KLF9: variants seen among roughly 807,000 people sequenced by gnomAD.
The protein encoded by KLF9 is KLF transcription factor 9.
Under a neutral mutation model 17.3 loss-of-function variants are expected in KLF9, and 2 were observed. The ratio of observed to expected loss-of-function variants is 0.12; its 90% CI spans 0.05 to 0.36. The LOEUF is 0.36. KLF9 is among the 10% of genes least tolerant of loss of function. KLF9 has a pLI of 1.00. For synonymous variants in KLF9, 138 were observed against 139.2 expected, an observed-to-expected ratio of 0.99 and a Z score of 0.06; for missense variants, 226 against 333.2, an observed-to-expected ratio of 0.68 and a Z score of 2.51.
intron 1 of KLF9, among the ~76,000 whole-genome samples, chr9:70,409,812 G>C (rs1011946387): frequency 2.6e-5 from 4 of 152,096 alleles, no homozygotes; most frequent in Non-Finnish European, 4.4e-5. Context: ...GAAAAGATCT[G>C]GTCTGGTTGA....
rs1336654813 is a variant in KLF9, at chr9:70,413,909, C to G, written c.-546G>C. 6.5e-6 allele frequency: 1 copy of G among 152,724 alleles called. No individual in the cohort carries two copies. The highest frequency in any genetic ancestry group is 2.4e-5 in the African/African-American group (1 of 41,462). The allele number at this position is 152,724 out of a possible 1,614,324, so 9.5% of individuals were successfully genotyped here. A position where few individuals can be genotyped will look rare whatever the true frequency, so the allele number is the denominator to read the frequency against. ...CCCGAGTCCACTGACGGCTTCTGAA[C>G]CCCTGCTCCGGCCGGTCCGCACCGT... On this transcript the variant is annotated 5_prime_UTR_variant, in exon 1 of 2. Coordinates refer to ENST00000377126, the MANE Select transcript of KLF9 (RefSeq NM_001206.4). The surrounding 1 kb of genome is among the most constrained non-coding windows in gnomAD (Gnocchi z 5.6).
chr9:70,388,059 G>T, intron 1 of KLF9, 54 bp from the exon 2 acceptor site: 1 of 1,444,566 alleles, frequency 6.9e-7, no homozygotes. Context: ...AAAAAATTCC[G>T]AAGGGCGGTC....
In KLF9 at chr9:70,413,221, C is replaced by T; in HGVS notation, c.143G>A (p.Gly48Asp). 2 of 1,614,088 alleles carry T rather than the reference C, an allele frequency of 1.2e-6. No individual in the cohort carries two copies. The highest frequency in any genetic ancestry group is 8.5e-7 in the Non-Finnish European group (1 of 1,180,036). ...LPEREVTKEH[G>D]DPGDTWKDYC... ...ATCCTTCCAGGTGTCCCCCGGGTCA[C>T]CGTGCTCCTTGGTCACCTCGCGCTC... The change falls in exon 1 of 2, where the codon GGT becomes GAT. Residue 48 changes from glycine to aspartate, a missense_variant. Gly to Asp is a moderately conservative substitution (Grantham distance 94). Transcript: ENST00000377126. The surrounding 1 kb of genome is among the most constrained non-coding windows in gnomAD (Gnocchi z 5.6).
rs1372521088 is a variant in KLF9, at chr9:70,414,255, C to T, written c.-892G>A. 1.3e-5 allele frequency: 2 copies of T among 152,248 alleles called. No individual in the cohort carries two copies. The highest frequency in any genetic ancestry group is 1.3e-4 in the Admixed American group (2 of 15,284). The allele number at this position is 152,248 out of a possible 1,614,324, so 9.4% of individuals were successfully genotyped here. ...TGGCCGGTCCGGGCCTCCTGGCTCACGTTCCAGCTTGCGGAGCTTTGGGAC... is the reference window on the plus strand; with the variant it reads ...TGGCCGGTCCGGGCCTCCTGGCTCATGTTCCAGCTTGCGGAGCTTTGGGAC... On this transcript the variant is annotated 5_prime_UTR_variant, in exon 1 of 2. The change creates a new upstream start codon in the 5' untranslated region. Transcript: ENST00000377126.
At chr9:70,409,663 A>T (rs1177723452) in intron 1 of KLF9, among the ~76,000 whole-genome samples, 1 of 152,174 alleles carries the variant, frequency 6.6e-6, no homozygotes, top group Admixed American at 6.5e-5. Flanking sequence ...TTCTAAAATT[A>T]ATCTGAAACA....
intron 1 of KLF9, among the ~76,000 whole-genome samples, chr9:70,392,841 A>G (rs532379007): frequency 4.5e-4 from 69 of 152,268 alleles, no homozygotes; most frequent in African/African-American, 1.6e-3. Flanking sequence ...AGAATCTTTA[A>G]ACCTGTCTTT....
intron 1 of KLF9, among the ~76,000 whole-genome samples, chr9:70,400,208 T>G (rs561115326): frequency 6.6e-6 from 1 of 152,228 alleles, no homozygotes; most frequent in South Asian, 2.1e-4. Flanking sequence ...AGGACTGTGT[T>G]CCTGAGCCCA....
chr9:70,409,002 A>ATATATATACACATATATGTATATATGTG (rs1564089062), intron 1 of KLF9, among the ~76,000 whole-genome samples: 1 of 63,368 alleles, frequency 1.6e-5, no homozygotes, highest in Non-Finnish European at 3.3e-5. Flanking sequence ...ATATATGTGT[A>ATATATATACACATATATGTATATATGTG]TATATATATA....
At chr9:70,410,444 G>T (rs2118929828) in intron 1 of KLF9, among the ~76,000 whole-genome samples, 1 of 152,320 alleles carries the variant, frequency 6.6e-6, no homozygotes, top group East Asian at 1.9e-4. Flanking sequence ...CCTCAACTGT[G>T]TCGTTCCTCC....
intron 1 of KLF9, among the ~76,000 whole-genome samples, chr9:70,389,134 C>G (rs1361006510): frequency 3.3e-5 from 5 of 151,466 alleles, no homozygotes; most frequent in Non-Finnish European, 7.4e-5. Context: ...GAGTGAGACT[C>G]TGTCTCAAAA....
At position 70,412,903 on chromosome 9, in the gene KLF9, T is replaced by C; in HGVS notation, c.461A>G (p.Tyr154Cys). 1 of 1,611,360 alleles carries C rather than the reference T, an allele frequency of 6.2e-7. No individual in the cohort carries two copies. The highest frequency in any genetic ancestry group is 8.5e-7 in the Non-Finnish European group (1 of 1,178,598). The change falls in exon 1 of 2, where the codon TAT (tyrosine) becomes TGT (cysteine). Residue 154 changes from tyrosine (Y) to cysteine (C), a missense_variant. Tyr to Cys is a radical substitution (Grantham distance 194). Transcript: ENST00000377126. ...KCPYSGCGKVYGKSSHLKAHY... is the reference protein window; with the variant it reads ...KCPYSGCGKVCGKSSHLKAHY... ...GGCTTTGAGATGGGAGGATTTTCCA[T>C]AGACTTTCCCACAGCCACTGTAGGG...
chr9:70,394,299 A>ACACACACACG (rs1554707247), intron 1 of KLF9, among the ~76,000 whole-genome samples: 1 of 176 alleles, frequency 5.7e-3, no homozygotes, highest in Non-Finnish European at 0.02. Context: ...AACAGCTCAT[A>ACACACACACG]CACACACACA....
At chr9:70,412,186 C>CAAAAAAAAAAAAAAAAAAA (rs10644898) in intron 1 of KLF9, among the ~76,000 whole-genome samples, 1 of 47,092 alleles carries the variant, frequency 2.1e-5, no homozygotes, top group African/African-American at 9.0e-5. Context: ...GTCACATGGC[C>CAAAAAAAAAAAAAAAAAAA]AAAAAAAAAA....
At chr9:70,399,932 T>A (rs975191036) in intron 1 of KLF9, among the ~76,000 whole-genome samples, 1 of 152,110 alleles carries the variant, frequency 6.6e-6, no homozygotes, top group African/African-American at 2.4e-5. Flanking sequence ...AACTCTCAAT[T>A]TGCCAGATCT....
chr9:70,391,713 C>T (rs923684933), intron 1 of KLF9, among the ~76,000 whole-genome samples: 5 of 152,210 alleles, frequency 3.3e-5, no homozygotes, highest in African/African-American at 1.2e-4. Flanking sequence ...TAGCAATCCA[C>T]ATCCCACTGG....
Position 70,387,707 on chromosome 9 carries a change from G to A in KLF9, c.*69C>T, listed in dbSNP as rs1349867685. On this transcript the variant is annotated 3_prime_UTR_variant, in exon 2 of 2. Transcript: ENST00000377126. ...GCCTCTTCTGGGGCTCAGTTTTCAC[G>A]CGTCTGTTTCCTGGGAGTACTTTTC... 9 of 1,370,514 alleles carry A rather than the reference G, an allele frequency of 6.6e-6. No individual in the cohort carries two copies. The highest frequency in any genetic ancestry group is 1.2e-5 in the South Asian group (1 of 84,766). 84.9% of individuals were successfully genotyped at this position (1,370,514 alleles called of 1,614,324 possible). A position where few individuals can be genotyped will look rare whatever the true frequency, so the allele number is the denominator to read the frequency against.
chr9:70,414,096 G>T lies in KLF9; in HGVS notation c.-733C>A, dbSNP rs944009428. The T allele has an allele frequency of 6.6e-6, 1 of 152,322 alleles. No homozygotes were observed. Among genetic ancestry groups the T allele is most frequent in the African/African-American group, 2.4e-5 (1 of 41,438 alleles). The allele number at this position is 152,322 out of a possible 1,614,324, so 9.4% of individuals were successfully genotyped here. A position where few individuals can be genotyped will look rare whatever the true frequency, so the allele number is the denominator to read the frequency against. ...GGAGAGGTGCGTCTAGAACTGAGGC[G>T]TGCGGCCAATCCGACTGTTCCGTTT... is the stretch of plus-strand genomic sequence containing the variant. On this transcript the variant is annotated 5_prime_UTR_variant, in exon 1 of 2. Transcript: ENST00000377126.
At chr9:70,394,316 C>CACACACAT (rs2037169730) in intron 1 of KLF9, among the ~76,000 whole-genome samples, 1 of 151,692 alleles carries the variant, frequency 6.6e-6, no homozygotes, top group African/African-American at 2.4e-5. Flanking sequence ...CACACACACA[C>CACACACAT]ACATTTAGTA....
intron 1 of KLF9, among the ~76,000 whole-genome samples, chr9:70,402,526 G>C (rs932287812): frequency 6.6e-6 from 1 of 152,100 alleles, no homozygotes; most frequent in African/African-American, 2.4e-5. Context: ...GGACAGACTG[G>C]AATTAAAACC....
Sources: allele counts gnomAD v4.1 joint callset (sites outside exome capture counted in the v4.1 genomes callset), GRCh38; gene constraint gnomAD v4.1.1; non-coding constraint Gnocchi (gnomAD v3.1); transcripts MANE v1.5; gene names NCBI Gene and HGNC (gene_info 2026-07-23, HGNC 2026-07-21).